The following MYO18B variants were observed in gnomAD, a reference collection of about 807,000 sequenced individuals.
The protein encoded by MYO18B is myosin XVIIIB.
MYO18B carries 204 observed loss-of-function variants against 273.0 expected under a neutral mutation model. The ratio of observed to expected loss-of-function variants is 0.75; its 90% CI spans 0.67 to 0.84. The LOEUF is 0.84. MYO18B is among the 40% of genes least tolerant of loss of function. The pLI is 0.00. For synonymous variants in MYO18B, 1,330 were observed against 1,305.7 expected (o/e 1.02, Z -0.40); for missense variants, 3,212 against 3,287.6 (o/e 0.98, Z 0.56).
rs1412353192 is a variant in MYO18B at position 25,931,670 on chromosome 22, T to A, written c.5517+10261T>A. On this transcript the variant is annotated intron_variant, in intron 34 of 43. Transcript: ENST00000335473. ...AGCTAGTATTATGCCTTTTCTTTTT[T>A]TTTCTTTTTTCTTTTTTTTTTTTTT... is the stretch of plus-strand genomic sequence containing the variant. 4.0e-5 allele frequency among the ~76,000 whole-genome samples: 6 copies of A among 149,810 alleles called. No homozygotes were observed. In the South Asian group the frequency reaches 1.3e-3, roughly 31 times the overall value.
chr22:25,886,206 GATGGTTATTATT>G (rs1227361084), intron 25 of MYO18B, among the ~76,000 whole-genome samples: 2 of 152,214 alleles, frequency 1.3e-5, no homozygotes, highest in Admixed American at 6.5e-5. Context: ...CTGTGGTGGC[GATGGTTATTATT>G]ATGGTTATTA....
At chr22:26,053,390 G>A in the MYO18B span, among the ~76,000 whole-genome samples, 2 of 152,026 alleles carry the variant, frequency 1.3e-5, no homozygotes, top group African/African-American at 4.8e-5. Flanking sequence ...GGAAAAAACA[G>A]AGGAAAGTGG....
rs41281571 is a variant in MYO18B, at chr22:25,768,288, T to C, written c.372T>C (p.Asn124=). Residue 124 remains asparagine (N), a synonymous_variant, in exon 4 of 44, where the codon AAT becomes AAC. Transcript: ENST00000335473. ...SPDPEQMTSI[N]GEKAQELGSS... Reference sequence around the variant, plus strand: ...ACCCTGAGCAGATGACAAGCATCAATGGTGAGAAGGCCCAGGAGCTGGGCT... The same window carrying C: ...ACCCTGAGCAGATGACAAGCATCAACGGTGAGAAGGCCCAGGAGCTGGGCT... The C allele has an allele frequency of 7.4e-3, 11,863 of 1,613,828 alleles. 69 individuals carry two copies. The highest frequency in any genetic ancestry group is 9.0e-3 in the Non-Finnish European group (10,622 of 1,179,846).
At chr22:25,823,902 G>A (rs145527397) in intron 13 of MYO18B, among the ~76,000 whole-genome samples, 2 of 152,334 alleles carry the variant, frequency 1.3e-5, no homozygotes, top group African/African-American at 4.8e-5. Flanking sequence ...GCTGAAACCT[G>A]GCAGGGAGCC....
chr22:25,755,289 C>G (rs2086078309), intron 1 of MYO18B, among the ~76,000 whole-genome samples: 1 of 152,146 alleles, frequency 6.6e-6, no homozygotes, highest in Admixed American at 6.5e-5. Context: ...TCACCGCAAC[C>G]TCCGCCTCCC....
intron 21 of MYO18B, among the ~76,000 whole-genome samples, chr22:25,858,919 A>G (rs1199343453): frequency 6.6e-6 from 1 of 152,172 alleles, no homozygotes; most frequent in Non-Finnish European, 1.5e-5. Context: ...CTGAGCACAT[A>G]CTGTGTCTAA....
chr22:25,959,438 A>C (rs941215370), intron 39 of MYO18B: 2 of 151,940 alleles, frequency 1.3e-5, no homozygotes, highest in Non-Finnish European at 2.9e-5. Flanking sequence ...GTGCCTGGCT[A>C]ATTTTTCAAT....
At chr22:25,939,066 C>A (rs1455985136) in intron 34 of MYO18B, among the ~76,000 whole-genome samples, 1 of 152,198 alleles carries the variant, frequency 6.6e-6, no homozygotes, top group East Asian at 1.9e-4. Context: ...GCTCCCACCT[C>A]GGCCTCACAA....
chr22:26,044,092 G>T, the MYO18B span, among the ~76,000 whole-genome samples: 1 of 152,182 alleles, frequency 6.6e-6, no homozygotes, highest in African/African-American at 2.4e-5. Context: ...AACTAATGAG[G>T]TTGAACCCAT....
Position 25,755,202 on chromosome 22 carries a change from AATTTT to A in MYO18B, c.-109-5771_-109-5767del, listed in dbSNP as rs1460045871. On this transcript the variant is annotated intron_variant, in intron 1 of 43. Coordinates refer to ENST00000335473, the MANE Select transcript of MYO18B (RefSeq NM_032608.7). ...CAGCTTCTTGTGTCTTTTTAAATTAAATTTTATTTTATTTTTTTTTTGAGACAGAG... is the reference window on the plus strand; with the variant it reads ...CAGCTTCTTGTGTCTTTTTAAATTAAATTTTATTTTTTTTTTGAGACAGAG... Among the ~76,000 whole-genome samples the A allele has an allele frequency of 6.5e-4, 99 of 151,762 alleles. 1 individual carries two copies. The highest frequency in any genetic ancestry group is 1.9e-4 in the East Asian group (1 of 5,158).
Position 25,921,362 on chromosome 22 carries a change from G to T in MYO18B, c.5470G>T (p.Gly1824Cys). The change falls in exon 34 of 44, where the codon GGC becomes TGC. Residue 1824 changes from glycine to cysteine, a missense_variant. Gly to Cys is a radical substitution (Grantham distance 159, BLOSUM62 -3). Transcript: ENST00000335473. ...GCTCCTTCTGGGCACCATGGAGGAT[G>T]GCAAGACATCAGTCAGCAAGGAGGA... ...VQLLLGTMED[G>C]KTSVSKEELE... 1 of 1,596,926 alleles carries T rather than the reference G, an allele frequency of 6.3e-7. No homozygotes were observed. The highest frequency in any genetic ancestry group is 1.3e-5 in the African/African-American group (1 of 74,774).
chr22:25,988,279 T>A (rs1316718653), intron 39 of MYO18B, among the ~76,000 whole-genome samples: 1 of 152,036 alleles, frequency 6.6e-6, no homozygotes, highest in African/African-American at 2.4e-5. Context: ...ATCAGCAGAC[T>A]CCATTTGGTT....
intron 1 of MYO18B, among the ~76,000 whole-genome samples, chr22:25,751,695 A>T (rs2146539668): frequency 6.6e-6 from 1 of 152,294 alleles, no homozygotes; most frequent in South Asian, 2.1e-4. Context: ...GTGGGAATGA[A>T]ATGTGATCAT....
intron 39 of MYO18B, among the ~76,000 whole-genome samples, chr22:25,979,151 A>G (rs558949042): frequency 2.0e-5 from 3 of 152,318 alleles, no homozygotes; most frequent in South Asian, 4.2e-4. Context: ...AGAAGTTTCA[A>G]AGTCCATTTT....
intron 22 of MYO18B, among the ~76,000 whole-genome samples, chr22:25,869,244 T>C (rs978719331): frequency 6.6e-6 from 1 of 150,462 alleles, no homozygotes; most frequent in African/African-American, 2.4e-5. Flanking sequence ...AGGTCAGGAG[T>C]TCGAGACCAG....
At chr22:25,817,200 T>TTC (rs1569061490) in intron 12 of MYO18B, among the ~76,000 whole-genome samples, 5 of 151,536 alleles carry the variant, frequency 3.3e-5, no homozygotes, top group Non-Finnish European at 7.4e-5. Flanking sequence ...CTTCCTCCCT[T>TTC]TTTCTTTCTT....
intron 7 of MYO18B, 38 bp from the exon 8 acceptor site, chr22:25,777,545 G>C: frequency 6.5e-7 from 1 of 1,546,882 alleles, no homozygotes; most frequent in East Asian, 2.3e-5. Context: ...CTAGGCAGTG[G>C]CTGGATGGGA....
chr22:25,887,746 G>GTT (rs1328844201), intron 25 of MYO18B, among the ~76,000 whole-genome samples: 4 of 152,114 alleles, frequency 2.6e-5, no homozygotes, highest in Admixed American at 6.6e-5. Flanking sequence ...GAAGGTCAGG[G>GTT]GCACCTTGTC....
chr22:25,990,065 C>T (rs887546595), intron 39 of MYO18B, among the ~76,000 whole-genome samples: 1 of 152,174 alleles, frequency 6.6e-6, no homozygotes, highest in Non-Finnish European at 1.5e-5. Flanking sequence ...GGCGTCCTTC[C>T]CGCCACCCCT....
Sources: gnomAD v4.1 joint callset for allele counts (sites outside exome capture counted in the v4.1 genomes callset) on GRCh38, gnomAD v4.1.1 for gene constraint, MANE v1.5 for transcripts, NCBI Gene and HGNC (gene_info 2026-07-23, HGNC 2026-07-21) for gene names.